PDE1A: variants seen among roughly 807,000 people sequenced by gnomAD.
PDE1A encodes the protein phosphodiesterase 1A, also known as dual specificity calcium/calmodulin-dependent 3',5'-cyclic nucleotide phosphodiesterase 1A.
In PDE1A, 35 loss-of-function variants were observed where a neutral mutation model predicts 61.7. The ratio of observed to expected loss-of-function variants is 0.57; its 90% CI spans 0.43 to 0.75. The LOEUF is 0.75. Ranked by LOEUF, PDE1A falls within the 30% of genes least tolerant of loss-of-function variation. The pLI, the probability that PDE1A is intolerant of heterozygous loss-of-function variation, is 0.00. For missense variants in PDE1A, 597 were observed against 630.6 expected, an observed-to-expected ratio of 0.95 and a Z score of 0.57; for synonymous variants, 232 against 213.2, an observed-to-expected ratio of 1.09 and a Z score of -0.77.
chr2:182,358,431 C>G (rs1699319783), intron 1 of PDE1A, among the ~76,000 whole-genome samples: 1 of 152,094 alleles, frequency 6.6e-6, no homozygotes. Context: ...CCCAACTAAT[C>G]AGAATTAATC....
the PDE1A span, among the ~76,000 whole-genome samples, chr2:182,634,601 G>A: frequency 1.3e-5 from 2 of 152,158 alleles, no homozygotes; most frequent in Non-Finnish European, 2.9e-5. Context: ...AGGATTGCAG[G>A]TGTCACTATT....
intron 1 of PDE1A, among the ~76,000 whole-genome samples, chr2:182,316,925 T>C (rs1696374326): frequency 6.6e-6 from 1 of 152,200 alleles, no homozygotes; most frequent in Non-Finnish European, 1.5e-5. Context: ...GAGTGAAAAG[T>C]TACTTACATC....
intron 1 of PDE1A, among the ~76,000 whole-genome samples, chr2:182,292,272 T>C (rs147840530): frequency 0.011 from 1,724 of 152,154 alleles, 21 homozygotes; most frequent in Non-Finnish European, 0.019. Flanking sequence ...TTTGGTTATT[T>C]ATGTTGACCT....
chr2:182,276,225 A>G (rs1442708552), intron 1 of PDE1A, among the ~76,000 whole-genome samples: 3 of 152,094 alleles, frequency 2.0e-5, no homozygotes, highest in South Asian at 2.1e-4. Flanking sequence ...TAGACAAAAA[A>G]TGAACAAAAA....
the PDE1A span, among the ~76,000 whole-genome samples, chr2:182,577,791 G>A: frequency 3.4e-3 from 524 of 152,210 alleles, 4 homozygotes; most frequent in African/African-American, 0.012. Flanking sequence ...GTGGTGGCCC[G>A]TGCCTGTAAT....
At chr2:182,239,549 GAT>G (rs1690332431) in intron 3 of PDE1A, among the ~76,000 whole-genome samples, 1 of 151,904 alleles carries the variant, frequency 6.6e-6, no homozygotes, top group Non-Finnish European at 1.5e-5. Flanking sequence ...AAACTCTGAT[GAT>G]ATAACTAGGC....
intron 2 of PDE1A, chr2:182,241,836 A>T (rs779535836): frequency 6.5e-7 from 1 of 1,542,622 alleles, no homozygotes; most frequent in East Asian, 2.3e-5. Context: ...CTGATCTGAC[A>T]TTTGGATGGT....
At chr2:182,627,379 A>C in the PDE1A span, among the ~76,000 whole-genome samples, 3 of 122,098 alleles carry the variant, frequency 2.5e-5, no homozygotes, top group Non-Finnish European at 4.8e-5. Context: ...AATATTTATT[A>C]TATAATATAT....
chr2:182,396,400 T>G (rs903347159), intron 1 of PDE1A, among the ~76,000 whole-genome samples: 1 of 152,228 alleles, frequency 6.6e-6, no homozygotes, highest in Non-Finnish European at 1.5e-5. Flanking sequence ...GCCAATGGTT[T>G]GGCTGGGTGG....
At chr2:182,557,963 C>A in the PDE1A span, among the ~76,000 whole-genome samples, 625 of 152,148 alleles carry the variant, frequency 4.1e-3, 4 homozygotes, top group Non-Finnish European at 7.1e-3. Context: ...ACTTTAGGAA[C>A]TTTTCTTTAT....
At chr2:182,156,833 G>T (rs1193153049) in intron 13 of PDE1A, among the ~76,000 whole-genome samples, 1 of 151,972 alleles carries the variant, frequency 6.6e-6, no homozygotes, top group East Asian at 1.9e-4. Flanking sequence ...AGAAATAATA[G>T]ACATTGGGAC....
intron 1 of PDE1A, among the ~76,000 whole-genome samples, chr2:182,344,746 TCTCTCA>T (rs938838482): frequency 1.5e-4 from 14 of 96,466 alleles, no homozygotes; most frequent in Non-Finnish European, 1.4e-4. Flanking sequence ...TGTCTCTCTC[TCTCTCA>T]CACACACACA....
chr2:182,411,476 G>C (rs1328689973), intron 1 of PDE1A, among the ~76,000 whole-genome samples: 1 of 152,102 alleles, frequency 6.6e-6, no homozygotes, highest in Non-Finnish European at 1.5e-5. Context: ...GCTTGTACAG[G>C]TCTTTGATGA....
intron 7 of PDE1A, among the ~76,000 whole-genome samples, chr2:182,207,214 A>C (rs1687181023): frequency 6.6e-6 from 1 of 152,222 alleles, no homozygotes; most frequent in Non-Finnish European, 1.5e-5. Flanking sequence ...TGTGACCAAA[A>C]TACTGATAGT....
At chr2:182,461,583 G>A (rs150202715) in intron 2 of PDE1A, among the ~76,000 whole-genome samples, 5 of 152,236 alleles carry the variant, frequency 3.3e-5, no homozygotes, top group African/African-American at 1.2e-4. Context: ...CATAACCCAT[G>A]ATGGAGTGCA....
chr2:182,568,405 G>A, the PDE1A span, among the ~76,000 whole-genome samples: 15 of 151,970 alleles, frequency 9.9e-5, no homozygotes, highest in Non-Finnish European at 1.8e-4. Flanking sequence ...AAGACTGGGC[G>A]CGGTGGCTCA....
chr2:182,681,587 A>C, the PDE1A span, among the ~76,000 whole-genome samples: 14 of 152,100 alleles, frequency 9.2e-5, no homozygotes, highest in Non-Finnish European at 1.9e-4. Context: ...AAAAAAAAAA[A>C]AAAACAGTTA....
chr2:182,185,966 A>G, exon 13 of PDE1A: 1 of 1,614,028 alleles, frequency 6.2e-7, no homozygotes, highest in Non-Finnish European at 8.5e-7. Context: ...GAAACTCTTC[A>G]GGTCCACTGC....
chr2:182,469,367 T>C (rs1391821963), intron 2 of PDE1A, among the ~76,000 whole-genome samples: 1 of 151,950 alleles, frequency 6.6e-6, no homozygotes, highest in Non-Finnish European at 1.5e-5. Flanking sequence ...ACAGCTTCTT[T>C]CCTTAAACCT....
Sources: allele counts gnomAD v4.1 joint callset (sites outside exome capture counted in the v4.1 genomes callset), GRCh38; gene constraint gnomAD v4.1.1; transcripts MANE v1.5; gene names NCBI Gene and HGNC (gene_info 2026-07-23, HGNC 2026-07-21).